Variants in AGBL4 observed in about 807,000 individuals in gnomAD.
AGBL4 encodes cytosolic carboxypeptidase 6.
In AGBL4, 58 loss-of-function variants were observed where a neutral mutation model predicts 66.4. That is an observed-to-expected ratio of 0.87 (90% CI 0.71 to 1.09). The LOEUF is 1.09. Among genes scored for constraint, AGBL4 ranks in the 50% least tolerant of loss-of-function variants. The pLI, the probability that AGBL4 is intolerant of heterozygous loss-of-function variation, is 0.00. For missense variants in AGBL4, 579 were observed against 631.0 expected (o/e 0.92, Z 0.88); for synonymous variants, 234 against 222.9 (o/e 1.05, Z -0.44).
intron 4 of AGBL4, among the ~76,000 whole-genome samples, chr1:49,046,035 A>G (rs1042670254): frequency 2.0e-5 from 3 of 152,186 alleles, no homozygotes; most frequent in African/African-American, 7.2e-5. Context: ...GCAAAGTTAA[A>G]CAAAAATAGA....
chr1:48,710,345 G>A (rs1352323413), intron 6 of AGBL4, among the ~76,000 whole-genome samples: 1 of 152,144 alleles, frequency 6.6e-6, no homozygotes, highest in Non-Finnish European at 1.5e-5. Context: ...ATTCACTGGA[G>A]GAAACTAACT....
At chr1:50,022,938 C>G (rs1349857517) in intron 1 of AGBL4, among the ~76,000 whole-genome samples, 1 of 152,154 alleles carries the variant, frequency 6.6e-6, no homozygotes, top group Non-Finnish European at 1.5e-5. Flanking sequence ...CTCACAAATC[C>G]CAGCCATATG....
At chr1:49,294,060 C>T (rs1326225525) in intron 3 of AGBL4, among the ~76,000 whole-genome samples, 2 of 152,188 alleles carry the variant, frequency 1.3e-5, no homozygotes, top group East Asian at 1.9e-4. Flanking sequence ...AGTTTAGAGA[C>T]ACACAATTTA....
chr1:48,803,004 G>A (rs1645844545), intron 6 of AGBL4, among the ~76,000 whole-genome samples: 1 of 152,160 alleles, frequency 6.6e-6, no homozygotes. Context: ...GTACCAACCC[G>A]GGACTATAGG....
intron 2 of AGBL4, among the ~76,000 whole-genome samples, chr1:49,742,717 G>GT (rs1650623669): frequency 6.6e-6 from 1 of 152,074 alleles, no homozygotes; most frequent in Non-Finnish European, 1.5e-5. Context: ...CAGACCAATG[G>GT]AACAGAACAG....
chr1:50,023,343 C>G (rs551844030), intron 1 of AGBL4, among the ~76,000 whole-genome samples: 1 of 152,290 alleles, frequency 6.6e-6, no homozygotes, highest in East Asian at 1.9e-4. Context: ...AGAGTCAGAG[C>G]CTCCTACTCC....
At chr1:49,432,905 G>C (rs1335093893) in intron 3 of AGBL4, among the ~76,000 whole-genome samples, 1 of 152,160 alleles carries the variant, frequency 6.6e-6, no homozygotes, top group Non-Finnish European at 1.5e-5. Flanking sequence ...GGGACATTCA[G>C]TTGCAGTCCC....
intron 3 of AGBL4, among the ~76,000 whole-genome samples, chr1:49,288,115 C>CA (rs1318517672): frequency 7.1e-6 from 1 of 141,268 alleles, no homozygotes; most frequent in African/African-American, 2.6e-5. Flanking sequence ...ATCGCAAGAA[C>CA]AAAAAACCAA....
chr1:49,082,998 A>G (rs1644834893), intron 4 of AGBL4, among the ~76,000 whole-genome samples: 1 of 152,310 alleles, frequency 6.6e-6, no homozygotes, highest in South Asian at 2.1e-4. Context: ...TAAAGCTCCA[A>G]AAAGATTTCA....
At chr1:49,443,455 T>G (rs1349340468) in intron 3 of AGBL4, among the ~76,000 whole-genome samples, 1 of 152,072 alleles carries the variant, frequency 6.6e-6, no homozygotes, top group South Asian at 2.1e-4. Flanking sequence ...TGGTGACAAA[T>G]AGGAGCCCAG....
At chr1:48,967,519 T>C (rs1658542594) in intron 5 of AGBL4, among the ~76,000 whole-genome samples, 1 of 152,180 alleles carries the variant, frequency 6.6e-6, no homozygotes, top group South Asian at 2.1e-4. Flanking sequence ...CACTGCATGA[T>C]TGCAAGATTG....
chr1:49,645,094 A>G (rs1185016675), intron 3 of AGBL4, among the ~76,000 whole-genome samples: 2 of 151,630 alleles, frequency 1.3e-5, no homozygotes, highest in African/African-American at 4.8e-5. Context: ...AATAAAAAAT[A>G]GAGAATTTAC....
chr1:49,257,899 T>A (rs1388896563), intron 3 of AGBL4, among the ~76,000 whole-genome samples: 3 of 152,060 alleles, frequency 2.0e-5, no homozygotes, highest in African/African-American at 7.2e-5. Flanking sequence ...GCAGCCTAAC[T>A]GGGAGGCACC....
chr1:48,826,781 G>A (rs1339463541), intron 6 of AGBL4, among the ~76,000 whole-genome samples: 1 of 152,102 alleles, frequency 6.6e-6, no homozygotes. Context: ...AACCCTAAAA[G>A]ACTTAACAAA....
At chr1:48,630,646 G>A (rs188627607) in intron 9 of AGBL4, among the ~76,000 whole-genome samples, 11 of 152,290 alleles carry the variant, frequency 7.2e-5, no homozygotes, top group African/African-American at 1.4e-4. Context: ...GGCACCGTCC[G>A]AATTTATTTT....
chr1:48,634,447 G>T, intron 9 of AGBL4, 46 bp downstream of exon 9: 1 of 1,470,212 alleles, frequency 6.8e-7, no homozygotes, highest in South Asian at 1.2e-5. Flanking sequence ...CCCTTTCCCA[G>T]ATCAAGCCAT....
intron 1 of AGBL4, among the ~76,000 whole-genome samples, chr1:49,996,521 G>A (rs1390693499): frequency 6.6e-6 from 1 of 151,678 alleles, no homozygotes; most frequent in Non-Finnish European, 1.5e-5. Flanking sequence ...CAAAGAAAAA[G>A]GAATAAAAAA....
chr1:48,540,448 T>A (rs192304252), intron 11 of AGBL4, among the ~76,000 whole-genome samples: 16 of 152,266 alleles, frequency 1.1e-4, no homozygotes, highest in African/African-American at 3.6e-4. Context: ...TTCATACATG[T>A]TATTTCCTCT....
At chr1:49,326,247 T>G (rs909601868) in intron 3 of AGBL4, among the ~76,000 whole-genome samples, 1 of 152,188 alleles carries the variant, frequency 6.6e-6, no homozygotes, top group Non-Finnish European at 1.5e-5. Flanking sequence ...AGAAATAGAA[T>G]TTCTAGGTTT....
Sources: allele counts gnomAD v4.1 joint callset (sites outside exome capture counted in the v4.1 genomes callset), GRCh38; gene constraint gnomAD v4.1.1; transcripts MANE v1.5; gene names NCBI Gene and HGNC (gene_info 2026-07-23, HGNC 2026-07-21).